The following CDC7 variants were observed in gnomAD, a reference collection of about 807,000 sequenced individuals.
CDC7 encodes the protein cell division cycle 7, also known as cell division cycle 7-related protein kinase.
CDC7 carries 34 observed loss-of-function variants against 53.5 expected under a neutral mutation model. The observed-to-expected ratio is 0.64, with a 90% CI of 0.48 to 0.85. The LOEUF is 0.85. Among genes scored for constraint, CDC7 ranks in the 40% least tolerant of loss-of-function variants. CDC7 has a pLI of 0.00. For synonymous variants in CDC7, 211 were observed against 222.8 expected (o/e 0.95, Z 0.47); for missense variants, 594 against 679.7 (o/e 0.87, Z 1.40).
rs766124784 is a variant in CDC7, at chr1:91,513,168, C to T, written c.683C>T (p.Ser228Phe). Reference protein sequence around the residue: ...AQQERCSQNKSHIITGNKIPL... With the variant: ...AQQERCSQNKFHIITGNKIPL... ...CAGGAAAGGTGTTCACAAAACAAAT[C>T]CCACATAATCACAGGAAACAAGATT... The change falls in exon 7 of 12, where the codon TCC (serine) becomes TTC (phenylalanine). Residue 228 changes from serine to phenylalanine, a missense_variant. Coordinates refer to ENST00000234626, the MANE Select transcript of CDC7 (RefSeq NM_003503.4). The T allele has an allele frequency of 6.2e-7, 1 of 1,613,750 alleles. No homozygotes were observed. The highest frequency in any genetic ancestry group is 1.1e-5 in the South Asian group (1 of 91,064).
rs1668209332 is a variant in CDC7, at chr1:91,525,327, A to G, written c.*892A>G. 6.6e-6 allele frequency: 1 copy of G among 152,182 alleles called. No homozygotes were observed. The highest frequency in any genetic ancestry group is 1.5e-5 in the Non-Finnish European group (1 of 67,992). The allele number at this position is 152,182 out of a possible 1,614,324, so 9.4% of individuals were successfully genotyped here. On this transcript the variant is annotated 3_prime_UTR_variant, in exon 12 of 12. Transcript: ENST00000234626. ...AGCTGCTGAAAGGAAAAGTGAATAC[A>G]GAATTGACGGTATTATTGGAGATTT...
At chr1:91,504,223 A>G (rs956093423) in intron 2 of CDC7, among the ~76,000 whole-genome samples, 1 of 151,190 alleles carries the variant, frequency 6.6e-6, no homozygotes, top group Non-Finnish European at 1.5e-5. Flanking sequence ...CTACCCCCTC[A>G]GCCTCCTGAG....
At chr1:91,505,962 A>G (rs957031892) in intron 2 of CDC7, among the ~76,000 whole-genome samples, 9 of 152,010 alleles carry the variant, frequency 5.9e-5, no homozygotes, top group African/African-American at 2.2e-4. Flanking sequence ...TTTCATGTGC[A>G]TTCTCTCTTG....
chr1:91,511,606 T>C lies in CDC7; in HGVS notation c.345T>C (p.Asp115=). The C allele has an allele frequency of 1.3e-6, 2 of 1,596,916 alleles. No individual in the cohort carries two copies. The highest frequency in any genetic ancestry group is 1.7e-5 in the Admixed American group (1 of 59,436). Residue 115 remains aspartate (D), a synonymous_variant, in exon 5 of 12, where the codon GAT becomes GAC. Coordinates refer to ENST00000234626, the MANE Select transcript of CDC7 (RefSeq NM_003503.4). ...LQCLTVAGGQ[D]NVMGVKYCFR... ...TGCATTTTTCCACTAGGGGGCAAGA[T>C]AATGTCATGGGAGTTAAATACTGCT...
chr1:91,524,585 T>G lies in CDC7; in HGVS notation c.*150T>G. On this transcript the variant is annotated 3_prime_UTR_variant, in exon 12 of 12. Coordinates refer to ENST00000234626, the MANE Select transcript of CDC7 (RefSeq NM_003503.4). ...TGGTGGCACATTCTAAAATATAGAT[T>G]AAGAATACTTAAAATGCCTGGGATA... The G allele has an allele frequency of 1.6e-6, 1 of 620,668 alleles. No individual in the cohort carries two copies. The allele number at this position is 620,668 out of a possible 1,614,324, so 38.4% of individuals were successfully genotyped here.
intron 10 of CDC7, among the ~76,000 whole-genome samples, 195 bp downstream of exon 10, chr1:91,516,071 T>C (rs994515502): frequency 2.6e-5 from 4 of 152,140 alleles, no homozygotes; most frequent in Non-Finnish European, 4.4e-5. Flanking sequence ...TAATGTTGCC[T>C]CTCTTTTTTT....
At chr1:91,523,991 A>G (rs1031202540) in intron 11 of CDC7, 50 bp from the exon 12 acceptor site, 2 of 1,448,570 alleles carry the variant, frequency 1.4e-6, no homozygotes, top group East Asian at 2.3e-5. Context: ...GATATATTCA[A>G]ATAATAAAAT....
rs377050743 is a variant in CDC7, at chr1:91,513,335, C to T, written c.822+28C>T. On this transcript the variant is annotated intron_variant, in intron 7 of 11. Coordinates refer to ENST00000234626, the MANE Select transcript of CDC7 (RefSeq NM_003503.4). Reference sequence around the variant, plus strand: ...TCTATCTCTTTTATTTCTTAAGTACCGACACTGTTTTAGAAATATACTCCT... The same window carrying T: ...TCTATCTCTTTTATTTCTTAAGTACTGACACTGTTTTAGAAATATACTCCT... 144 of 1,591,350 alleles carry T rather than the reference C, an allele frequency of 9.0e-5. No homozygotes were observed. In the African/African-American group the frequency reaches 1.3e-3, roughly 14 times the overall value.
chr1:91,514,805 CTT>C lies in CDC7; in HGVS notation c.919-11_919-10del, dbSNP rs759132437. 1.8e-5 allele frequency: 27 copies of C among 1,542,602 alleles called. No individual in the cohort carries two copies. The highest frequency in any genetic ancestry group is 2.4e-5 in the Non-Finnish European group (27 of 1,144,940). Reference sequence around the variant, plus strand: ...ATATCATGAAAATAGAAAAATGAGACTTTTCTTTTACAGCTCATGAAGCAGTC... The same window carrying C: ...ATATCATGAAAATAGAAAAATGAGACTTCTTTTACAGCTCATGAAGCAGTC... On this transcript the variant is annotated splice_polypyrimidine_tract_variant and intron_variant, in intron 8 of 11. Transcript: ENST00000234626.
chr1:91,502,661 T>A (rs1237296844), intron 2 of CDC7, among the ~76,000 whole-genome samples: 2 of 152,216 alleles, frequency 1.3e-5, no homozygotes, highest in Non-Finnish European at 2.9e-5. Context: ...AGCTGATGCT[T>A]TTTATTTGTT....
rs749792169 is a variant in CDC7 at position 91,524,290 on chromosome 1, A to G, written c.1580A>G (p.Glu527Gly). ...DSNSCEHCFD[E>G]YNTNLEGWNE... ...AATAGCTGTGAGCATTGTTTTGATG[A>G]GTATAATACCAATTTAGAAGGCTGG... The change falls in exon 12 of 12, where the codon GAG becomes GGG. Residue 527 changes from glutamate (E) to glycine (G), a missense_variant. Coordinates refer to ENST00000234626, the MANE Select transcript of CDC7 (RefSeq NM_003503.4). 8.7e-6 allele frequency: 14 copies of G among 1,614,108 alleles called. No individual in the cohort carries two copies. Among genetic ancestry groups the G allele is most frequent in the Middle Eastern group, 1.7e-4 (1 of 6,060 alleles).
chr1:91,501,679 A>T lies in CDC7; in HGVS notation c.-38A>T. ...CTGCTTTGCTCCCCCTGTGGATGTA[A>T]CCCCTTAGCTGGCATTTTGCATCTC... On this transcript the variant is annotated 5_prime_UTR_variant, in exon 2 of 12. It removes the in-frame stop codon of an upstream open reading frame in the 5' UTR. Coordinates refer to ENST00000234626, the MANE Select transcript of CDC7 (RefSeq NM_003503.4). 1 of 1,445,018 alleles carries T rather than the reference A, an allele frequency of 6.9e-7. No homozygotes were observed. The highest frequency in any genetic ancestry group is 1.7e-5 in the Admixed American group (1 of 58,332). The allele number at this position is 1,445,018 out of a possible 1,614,324, so 89.5% of individuals were successfully genotyped here.
At chr1:91,520,914 GGATGTGCA>G (rs1179517488) in intron 11 of CDC7, among the ~76,000 whole-genome samples, 13 of 152,274 alleles carry the variant, frequency 8.5e-5, no homozygotes, top group African/African-American at 3.1e-4. Context: ...TTCAAGACTG[GGATGTGCA>G]GTGTACTTCA....
At chr1:91,508,508 T>C in intron 4 of CDC7, 111 bp downstream of exon 4, 1 of 849,562 alleles carries the variant, frequency 1.2e-6, no homozygotes, top group South Asian at 2.0e-5. Context: ...CATTTTTCAG[T>C]CAAGTGTTTG....
chr1:91,522,264 T>G (rs1460307595), intron 11 of CDC7, among the ~76,000 whole-genome samples: 1 of 152,226 alleles, frequency 6.6e-6, no homozygotes, highest in Non-Finnish European at 1.5e-5. Flanking sequence ...AACTTTGGAC[T>G]GAGTATAAAA....
At chr1:91,518,024 G>GCC (rs1408322974) in intron 10 of CDC7, among the ~76,000 whole-genome samples, 1 of 142,884 alleles carries the variant, frequency 7.0e-6, no homozygotes, top group Non-Finnish European at 1.5e-5. Context: ...AACCCGGGAG[G>GCC]CAGAGGTTAC....
intron 10 of CDC7, 51 bp downstream of exon 10, chr1:91,515,927 GTATTT>G (rs1667536216): frequency 7.2e-7 from 1 of 1,387,840 alleles, no homozygotes; most frequent in Non-Finnish European, 1.0e-6. Flanking sequence ...TGTTCCAGAC[GTATTT>G]TATTTTATGA....
At chr1:91,519,017 C>T (rs1235495999) in intron 10 of CDC7, among the ~76,000 whole-genome samples, 3 of 145,544 alleles carry the variant, frequency 2.1e-5, no homozygotes, top group Non-Finnish European at 4.5e-5. Flanking sequence ...GCCGAGATCA[C>T]ACTACCACAC....
At chr1:91,522,633 A>C (rs1279330665) in intron 11 of CDC7, among the ~76,000 whole-genome samples, 2 of 152,208 alleles carry the variant, frequency 1.3e-5, no homozygotes, top group Admixed American at 1.3e-4. Flanking sequence ...TAGTTATTTT[A>C]TGACTTCAGA....
Sources: allele counts gnomAD v4.1 joint callset (sites outside exome capture counted in the v4.1 genomes callset), GRCh38; gene constraint gnomAD v4.1.1; transcripts MANE v1.5; gene names NCBI Gene and HGNC (gene_info 2026-07-23, HGNC 2026-07-21).